The following KCNN2 variants were observed in gnomAD, a reference collection of about 807,000 sequenced individuals.
KCNN2 encodes the protein small conductance calcium-activated potassium channel protein 2.
A neutral mutation model predicts 55.5 loss-of-function variants in KCNN2; 24 were observed. The ratio of observed to expected loss-of-function variants is 0.43; its 90% CI spans 0.31 to 0.61. The LOEUF (loss-of-function observed/expected upper bound fraction) is 0.61, where lower values mean the gene tolerates loss of function less well. Among genes scored for constraint, KCNN2 ranks in the 20% least tolerant of loss-of-function variants. KCNN2 has a pLI of 0.08. For synonymous variants in KCNN2, 431 were observed against 336.1 expected, an observed-to-expected ratio of 1.28 and a Z score of -3.09; for missense variants, 754 against 853.6, an observed-to-expected ratio of 0.88 and a Z score of 1.45.
At chr5:114,174,919 C>T (rs569792299) in intron 1 of KCNN2, among the ~76,000 whole-genome samples, 3 of 152,126 alleles carry the variant, frequency 2.0e-5, no homozygotes, top group African/African-American at 7.2e-5. Flanking sequence ...AAAGCTGCCC[C>T]CAATGGGCTG....
intron 2 of KCNN2, among the ~76,000 whole-genome samples, chr5:114,397,988 C>T (rs1330350037): frequency 6.6e-6 from 1 of 152,136 alleles, no homozygotes; most frequent in Non-Finnish European, 1.5e-5. Context: ...TGTCTGTTTA[C>T]TGTGTTCATA....
intron 1 of KCNN2, among the ~76,000 whole-genome samples, chr5:114,213,235 T>G (rs2112584216): frequency 6.6e-6 from 1 of 152,176 alleles, no homozygotes; most frequent in Middle Eastern, 3.4e-3. Flanking sequence ...TGTCACAAAG[T>G]TTTGTTATAG....
At chr5:114,432,717 C>T (rs1037877369) in intron 3 of KCNN2, among the ~76,000 whole-genome samples, 41 of 152,210 alleles carry the variant, frequency 2.7e-4, no homozygotes, top group Admixed American at 1.5e-3. Context: ...CTGTGCGCGG[C>T]ACTTGTGGGC....
chr5:114,168,244 G>C (rs1295761284), intron 1 of KCNN2, among the ~76,000 whole-genome samples: 1 of 151,118 alleles, frequency 6.6e-6, no homozygotes. Context: ...ATACAAGTCT[G>C]GTTATGGGTT....
chr5:114,416,832 G>A (rs1277385851), intron 3 of KCNN2, among the ~76,000 whole-genome samples: 2 of 152,070 alleles, frequency 1.3e-5, no homozygotes, highest in African/African-American at 2.4e-5. Context: ...TAGGAATCAT[G>A]GTTTGTAAAT....
intron 4 of KCNN2, among the ~76,000 whole-genome samples, chr5:114,464,275 A>G (rs999744984): frequency 1.3e-5 from 2 of 152,186 alleles, no homozygotes; most frequent in Non-Finnish European, 2.9e-5. Flanking sequence ...ACAGTTTTCA[A>G]TGACCTAGGC....
chr5:114,407,523 C>G (rs1219257799), intron 3 of KCNN2, among the ~76,000 whole-genome samples: 1 of 151,608 alleles, frequency 6.6e-6, no homozygotes, highest in African/African-American at 2.4e-5. Flanking sequence ...ATTTTGTTTC[C>G]CCAAAGATGC....
intron 2 of KCNN2, among the ~76,000 whole-genome samples, chr5:114,369,201 A>G (rs1278953656): frequency 6.6e-6 from 1 of 152,200 alleles, no homozygotes; most frequent in Non-Finnish European, 1.5e-5. Flanking sequence ...ACTGGATGCT[A>G]TAAAAATATT....
chr5:114,250,733 T>C (rs770239530), intron 2 of KCNN2, among the ~76,000 whole-genome samples: 4 of 152,196 alleles, frequency 2.6e-5, no homozygotes, highest in Non-Finnish European at 5.9e-5. Flanking sequence ...GTGAGCCGTC[T>C]ATGGTCTATT....
chr5:114,436,371 CA>C (rs1760004070), intron 3 of KCNN2, among the ~76,000 whole-genome samples: 1 of 152,124 alleles, frequency 6.6e-6, no homozygotes, highest in African/African-American at 2.4e-5. Flanking sequence ...ATAATCAGTT[CA>C]ACTGATTCTT....
intron 1 of KCNN2, among the ~76,000 whole-genome samples, chr5:114,080,788 T>C (rs1198828056): frequency 6.6e-6 from 1 of 152,078 alleles, no homozygotes; most frequent in Non-Finnish European, 1.5e-5. Flanking sequence ...AAGGAACTTG[T>C]TTTGCCACTT....
chr5:114,105,910 A>C (rs1751473568), intron 1 of KCNN2, among the ~76,000 whole-genome samples: 1 of 151,918 alleles, frequency 6.6e-6, no homozygotes, highest in Admixed American at 6.6e-5. Context: ...TTATTCTGAG[A>C]TATTTCATAT....
Position 114,420,920 on chromosome 5 carries a change from A to T in KCNN2, c.1637+16064A>T, listed in dbSNP as rs567418158. Among the ~76,000 whole-genome samples, 5 of 152,292 alleles carry T rather than the reference A, an allele frequency of 3.3e-5. No individual in the cohort carries two copies. The South Asian group carries it at 1.0e-3, about 32-fold the overall frequency. On this transcript the variant is annotated intron_variant, in intron 3 of 7. Transcript: ENST00000673685. The stretch of plus-strand genomic sequence containing the variant: ...TTTTATGGCAATTTTCAAGTTAGGT[A>T]AAAATAATATTCCCCTTCCACATTA...
At chr5:114,153,883 G>A (rs866615660) in intron 1 of KCNN2, among the ~76,000 whole-genome samples, 4 of 152,158 alleles carry the variant, frequency 2.6e-5, no homozygotes, top group African/African-American at 7.2e-5. Context: ...TCCCTTGGAG[G>A]TTTAGTTGGT....
At chr5:114,299,905 T>C (rs1158265862) in intron 2 of KCNN2, among the ~76,000 whole-genome samples, 1 of 152,142 alleles carries the variant, frequency 6.6e-6, no homozygotes, top group Admixed American at 6.5e-5. Context: ...CAGGGTCATG[T>C]TGAAAATAAC....
chr5:114,353,540 C>T (rs1031000623), intron 2 of KCNN2, among the ~76,000 whole-genome samples: 11 of 151,738 alleles, frequency 7.2e-5, no homozygotes, highest in South Asian at 4.1e-4. Flanking sequence ...TTACCACTGG[C>T]GCTCTTTTTC....
intron 1 of KCNN2, among the ~76,000 whole-genome samples, chr5:114,196,910 T>A (rs1482490119): frequency 6.6e-6 from 1 of 152,052 alleles, no homozygotes; most frequent in Non-Finnish European, 1.5e-5. Context: ...CTTGTTTTTC[T>A]AGTTTCTTAA....
At chr5:114,113,743 T>C (rs997990156) in intron 1 of KCNN2, among the ~76,000 whole-genome samples, 8 of 152,048 alleles carry the variant, frequency 5.3e-5, no homozygotes, top group African/African-American at 1.9e-4. Context: ...AAGATCCAGG[T>C]TATTTTAGTA....
intron 3 of KCNN2, among the ~76,000 whole-genome samples, chr5:114,421,357 C>T (rs1274314159): frequency 1.3e-5 from 2 of 152,104 alleles, no homozygotes; most frequent in Non-Finnish European, 2.9e-5. Context: ...GTGGCACGAT[C>T]CCAGCTCACT....
Sources: gnomAD v4.1 joint callset for allele counts (sites outside exome capture counted in the v4.1 genomes callset) on GRCh38, gnomAD v4.1.1 for gene constraint, MANE v1.5 for transcripts, NCBI Gene and HGNC (gene_info 2026-07-23, HGNC 2026-07-21) for gene names.